Variants in UTP15 observed in about 807,000 individuals in gnomAD.
UTP15 encodes U3 small nucleolar RNA-associated protein 15 homolog.
A neutral mutation model predicts 59.1 loss-of-function variants in UTP15; 5 were observed. The ratio of observed to expected loss-of-function variants is 0.08; its 90% confidence interval spans 0.04 to 0.18. The LOEUF is 0.18. UTP15 is among the 10% of genes least tolerant of loss of function. The pLI is 1.00. For missense variants in UTP15, 494 were observed against 616.7 expected (o/e 0.80, Z 2.11); for synonymous variants, 211 against 212.2 (o/e 0.99, Z 0.05).
In UTP15 at chr5:73,576,984, A is replaced by G. The variant is rs139363665; in HGVS notation, c.842A>G (p.Lys281Arg). Residue 281 changes from lysine to arginine, a missense_variant, in exon 8 of 13, where the codon AAA becomes AGA. Physicochemically the swap from Lys to Arg is conservative, Grantham distance 26. Coordinates refer to ENST00000296792, the MANE Select transcript of UTP15 (RefSeq NM_032175.4). ...KVKVYSTTSY[K>R]VVHSFDYAAS... The stretch of plus-strand genomic sequence containing the variant: ...AAAGTATACAGCACAACTTCCTACA[A>G]AGTAGTCCACAGTTTTGATTATGCA... 6 of 1,610,530 alleles carry G rather than the reference A, an allele frequency of 3.7e-6. No individual in the cohort carries two copies. Among genetic ancestry groups the G allele is most frequent in the Non-Finnish European group, 5.1e-6 (6 of 1,179,172 alleles).
At position 73,568,313 on chromosome 5, in the gene UTP15, A is replaced by T. The variant is rs1278651904; in HGVS notation, c.169A>T (p.Thr57Ser). ...TCAGCCTCCATATAATTATGCTGTC[A>T]CAGCTTCCTCAAGAGTAAGTATAAT... ...SPQPPYNYAV[T>S]ASSRIHIYGR... The change falls in exon 3 of 13, where the codon ACA (threonine) becomes TCA (serine). Residue 57 changes from threonine (T) to serine (S), a missense_variant. Transcript: ENST00000296792. 6.2e-7 allele frequency: 1 copy of T among 1,608,766 alleles called. No individual in the cohort carries two copies.
chr5:73,570,394 A>G (rs1177205455), intron 5 of UTP15, among the ~76,000 whole-genome samples, 192 bp from the exon 6 acceptor site: 1 of 152,232 alleles, frequency 6.6e-6, no homozygotes, highest in African/African-American at 2.4e-5. Flanking sequence ...GATTCTGTAT[A>G]GTATTATGTA....
intron 5 of UTP15, among the ~76,000 whole-genome samples, 158 bp downstream of exon 5, chr5:73,569,833 T>C (rs994802486): frequency 1.3e-5 from 2 of 152,230 alleles, no homozygotes; most frequent in African/African-American, 4.8e-5. Context: ...TTTATGTATG[T>C]ATGTTTGCAT....
Position 73,580,204 on chromosome 5 carries a change from A to G in UTP15, c.*110A>G, listed in dbSNP as rs1434914184. ...CATTAAAAAAACTGTTTGCAGAAGC[A>G]GTTCTGTGGAAGAGACTGGAATAAT... On this transcript the variant is annotated 3_prime_UTR_variant, in exon 13 of 13. Transcript: ENST00000296792. 2.2e-6 allele frequency: 2 copies of G among 914,238 alleles called. No individual in the cohort carries two copies. The highest frequency in any genetic ancestry group is 3.2e-6 in the Non-Finnish European group (2 of 622,566). 56.6% of individuals were successfully genotyped at this position (914,238 alleles called of 1,614,324 possible). A position where few individuals can be genotyped will look rare whatever the true frequency, so the allele number is the denominator to read the frequency against.
chr5:73,577,035 C>T lies in UTP15; in HGVS notation c.893C>T (p.Ala298Val), dbSNP rs1416410377. 8.7e-6 allele frequency: 14 copies of T among 1,602,156 alleles called. No homozygotes were observed. In the African/African-American group the frequency reaches 1.5e-4, roughly 17 times the overall value. Residue 298 changes from alanine to valine, a missense_variant and splice_region_variant, in exon 8 of 13, where the codon GCA becomes GTA. Ala to Val is a moderately conservative substitution (Grantham distance 64, BLOSUM62 0). Coordinates refer to ENST00000296792, the MANE Select transcript of UTP15 (RefSeq NM_032175.4). ...GCTTCAATTTTGAGTCTTGCCCTTG[C>T]AGTAAGTACCTTTACCTATTTTTAA... ...YAASILSLAL[A>V]HEDETIVVGM...
chr5:73,574,630 G>A (rs1011783036), intron 7 of UTP15, among the ~76,000 whole-genome samples: 25 of 151,870 alleles, frequency 1.6e-4, no homozygotes, highest in African/African-American at 5.6e-4. Context: ...TGGGACCACC[G>A]GCACGCGCCA....
Position 73,577,911 on chromosome 5 carries a change from A to T in UTP15, c.950A>T (p.His317Leu), listed in dbSNP as rs201568549. Residue 317 changes from histidine (H) to leucine (L), a missense_variant, in exon 9 of 13, where the codon CAT becomes CTT. Transcript: ENST00000296792. ...GMTNGILSVK[H>L]RKSEAKKESL... ...ACCAATGGAATACTGAGTGTTAAAC[A>T]TCGGAAATCTGAAGCAAAGAAGGAA... 44 of 1,592,874 alleles carry T rather than the reference A, an allele frequency of 2.8e-5. No individual in the cohort carries two copies. In the East Asian group the frequency reaches 9.5e-4, roughly 34 times the overall value.
intron 9 of UTP15, 109 bp from the exon 10 acceptor site, chr5:73,578,638 CATTA>C: frequency 1.2e-5 from 10 of 852,298 alleles, no homozygotes; most frequent in Non-Finnish European, 1.8e-5. Context: ...GGCATATGAA[CATTA>C]TTTGTGACAT....
intron 8 of UTP15, 149 bp from the exon 9 acceptor site, chr5:73,577,707 A>G (rs1055051702): frequency 9.2e-6 from 6 of 652,336 alleles, no homozygotes; most frequent in Admixed American, 3.7e-5. Flanking sequence ...TCTTGCACCA[A>G]TCATCGTTAG....
Position 73,569,684 on chromosome 5 carries a change from A to G in UTP15, c.547+9A>G. On this transcript the variant is annotated intron_variant, in intron 5 of 12. Transcript: ENST00000296792. ...GGATCTCTTTATAACAGGTTGGTGAACTCTATTCCCTCCTGAAGCAAATAA... is the reference window on the plus strand; with the variant it reads ...GGATCTCTTTATAACAGGTTGGTGAGCTCTATTCCCTCCTGAAGCAAATAA... The G allele has an allele frequency of 1.3e-6, 2 of 1,580,044 alleles. No homozygotes were observed. The highest frequency in any genetic ancestry group is 2.3e-5 in the East Asian group (1 of 43,064).
At chr5:73,574,905 A>G (rs1220629) in intron 7 of UTP15, among the ~76,000 whole-genome samples, 49,988 of 152,090 alleles carry the variant, frequency 0.33, 9,189 homozygotes, top group African/African-American at 0.5. Context: ...GTAACTGAGG[A>G]GAATTGGTTG....
In UTP15 at chr5:73,571,326, C is replaced by T. The variant is rs1275907514; in HGVS notation, c.673+615C>T. 2.0e-5 allele frequency among the ~76,000 whole-genome samples: 3 copies of T among 151,494 alleles called. No individual in the cohort carries two copies. The East Asian group carries it at 5.8e-4, about 29-fold the overall frequency. On this transcript the variant is annotated intron_variant, in intron 6 of 12. Transcript: ENST00000296792. ...TGAAATGCCACTACCCAGCAAATAG[C>T]TGCTAGTACTAGAGAAAGGAGATAA...
Position 73,583,325 on chromosome 5 carries a change from A to C in UTP15, c.*3231A>C, listed in dbSNP as rs557911585. 1 of 152,230 alleles carries C rather than the reference A, an allele frequency of 6.6e-6. No homozygotes were observed. The highest frequency in any genetic ancestry group is 2.4e-5 in the African/African-American group (1 of 41,464). The allele number at this position is 152,230 out of a possible 1,614,324, so 9.4% of individuals were successfully genotyped here. A position where few individuals can be genotyped will look rare whatever the true frequency, so the allele number is the denominator to read the frequency against. On this transcript the variant is annotated 3_prime_UTR_variant, in exon 13 of 13. Coordinates refer to ENST00000296792, the MANE Select transcript of UTP15 (RefSeq NM_032175.4). The stretch of plus-strand genomic sequence containing the variant: ...AGTTGGTTTGTAGAGAATGAACAAG[A>C]ATGAAACCTAAGTGCAAAGAAAATA...
Position 73,583,059 on chromosome 5 carries a change from T to G in UTP15, c.*2965T>G, listed in dbSNP as rs1284548691. ...AAGGAATTTGAATTGTAAATGGGAT[T>G]GTTAAAACAAATTTAGTCTGTTCAA... On this transcript the variant is annotated 3_prime_UTR_variant, in exon 13 of 13. Coordinates refer to ENST00000296792, the MANE Select transcript of UTP15 (RefSeq NM_032175.4). 3.3e-5 allele frequency: 5 copies of G among 152,226 alleles called. No homozygotes were observed. The highest frequency in any genetic ancestry group is 1.2e-4 in the African/African-American group (5 of 41,454). The allele number at this position is 152,226 out of a possible 1,614,324, so 9.4% of individuals were successfully genotyped here. A position where few individuals can be genotyped will look rare whatever the true frequency, so the allele number is the denominator to read the frequency against.
intron 1 of UTP15, chr5:73,566,251 T>A (rs928981466): frequency 4.7e-6 from 1 of 214,578 alleles, no homozygotes; most frequent in Non-Finnish European, 9.6e-6. Flanking sequence ...TTGTTAACTA[T>A]TTGGATGTTA....
At chr5:73,567,213 A>G (rs1055112779) in intron 1 of UTP15, 49 bp from the exon 2 acceptor site, 10 of 473,144 alleles carry the variant, frequency 2.1e-5, no homozygotes, top group Admixed American at 4.2e-5. Context: ...GTGAAAATCA[A>G]CTATGTGTAC....
At position 73,571,003 on chromosome 5, in the gene UTP15, A is replaced by G. The variant is rs148852973; in HGVS notation, c.673+292A>G. ...AAAGTTTTAACTTATTTTTCAAGGC[A>G]AAGTGGTAAGTGGCAGATCTGAAAT... is the stretch of plus-strand genomic sequence containing the variant. On this transcript the variant is annotated intron_variant, in intron 6 of 12. Transcript: ENST00000296792. Among the ~76,000 whole-genome samples the G allele has an allele frequency of 5.6e-4, 85 of 152,300 alleles. 1 individual carries two copies. The East Asian group carries it at 0.016, about 29-fold the overall frequency.
rs1748356574 is a variant in UTP15 at position 73,582,641 on chromosome 5, A to G, written c.*2547A>G. ...TGGTTTCAAGCAATCTTCCCACCTC[A>G]GCCTCCTTAATGACTGGGATTAAAG... is the stretch of plus-strand genomic sequence containing the variant. On this transcript the variant is annotated 3_prime_UTR_variant, in exon 13 of 13. Coordinates refer to ENST00000296792, the MANE Select transcript of UTP15 (RefSeq NM_032175.4). 1 of 152,198 alleles carries G rather than the reference A, an allele frequency of 6.6e-6. No homozygotes were observed. Among genetic ancestry groups the G allele is most frequent in the African/African-American group, 2.4e-5 (1 of 41,448 alleles). 9.4% of individuals were successfully genotyped at this position (152,198 alleles called of 1,614,324 possible). A position where few individuals can be genotyped will look rare whatever the true frequency, so the allele number is the denominator to read the frequency against.
intron 6 of UTP15, 27 bp from the exon 7 acceptor site, chr5:73,572,462 C>G: frequency 6.2e-7 from 1 of 1,611,414 alleles, no homozygotes; most frequent in Non-Finnish European, 8.5e-7. Context: ...GGCAGAATAT[C>G]CAACTAACGA....
Sources: allele counts gnomAD v4.1 joint callset (sites outside exome capture counted in the v4.1 genomes callset), GRCh38; gene constraint gnomAD v4.1.1; transcripts MANE v1.5; gene names NCBI Gene and HGNC (gene_info 2026-07-23, HGNC 2026-07-21).